COL23A1: variants seen among roughly 807,000 people sequenced by gnomAD.
COL23A1 encodes collagen alpha-1(XXIII) chain.
Under a neutral mutation model 99.3 loss-of-function variants are expected in COL23A1, and 97 were observed. The observed-to-expected ratio is 0.98, with a 90% CI of 0.83 to 1.16. The LOEUF is 1.16. Among genes scored for constraint, COL23A1 ranks in the 50% most tolerant of loss-of-function variants. The probability of loss-of-function intolerance (pLI) is 0.00; values close to 1 mark genes in which losing one functional copy is unlikely to be tolerated. For synonymous variants in COL23A1, 320 were observed against 308.2 expected (o/e 1.04, Z -0.40); for missense variants, 762 against 757.4 (o/e 1.01, Z -0.07).
chr5:178,421,212 G>A (rs1042690626), intron 2 of COL23A1, among the ~76,000 whole-genome samples: 4 of 152,148 alleles, frequency 2.6e-5, no homozygotes, highest in African/African-American at 9.7e-5. Flanking sequence ...GGAGATATAG[G>A]TTGACCTAAT....
chr5:178,286,512 G>C (rs1433355134), intron 5 of COL23A1, among the ~76,000 whole-genome samples: 1 of 151,722 alleles, frequency 6.6e-6, no homozygotes, highest in African/African-American at 2.4e-5. Context: ...CATGGCCCCA[G>C]GGACAGCAGC....
At chr5:178,506,662 TGAC>T (rs1468393042) in intron 2 of COL23A1, among the ~76,000 whole-genome samples, 2 of 152,252 alleles carry the variant, frequency 1.3e-5, no homozygotes, top group Non-Finnish European at 2.9e-5. Flanking sequence ...TTCTCACTAA[TGAC>T]GACAAGATTT....
intron 2 of COL23A1, among the ~76,000 whole-genome samples, chr5:178,517,589 T>G: frequency 1.6e-5 from 2 of 123,754 alleles, no homozygotes; most frequent in Admixed American, 1.0e-4. Flanking sequence ...TGAGATGGAG[T>G]CTCACTCTGT....
At chr5:178,329,363 G>A (rs762016114) in intron 2 of COL23A1, among the ~76,000 whole-genome samples, 10 of 152,114 alleles carry the variant, frequency 6.6e-5, no homozygotes, top group Non-Finnish European at 1.5e-4. Context: ...GCCAGATGAA[G>A]AGAGTGGGGC....
At chr5:178,509,978 C>T (rs1411178262) in intron 2 of COL23A1, among the ~76,000 whole-genome samples, 1 of 152,198 alleles carries the variant, frequency 6.6e-6, no homozygotes, top group Non-Finnish European at 1.5e-5. Flanking sequence ...CATTTCCGTC[C>T]TTAGTGCTCA....
chr5:178,358,413 GTGTATGTGTGTGTA>G (rs1761934106), intron 2 of COL23A1, among the ~76,000 whole-genome samples: 1 of 121,260 alleles, frequency 8.2e-6, no homozygotes, highest in Non-Finnish European at 1.9e-5. Flanking sequence ...ATGTGTGTAT[GTGTATGTGTGTGTA>G]TGTGTATGTG....
At chr5:178,368,100 G>A (rs1292399093) in intron 2 of COL23A1, among the ~76,000 whole-genome samples, 2 of 152,174 alleles carry the variant, frequency 1.3e-5, no homozygotes, top group Non-Finnish European at 2.9e-5. Flanking sequence ...TTGATGCGTC[G>A]AAAGGGCAGG....
At chr5:178,278,850 A>G (rs952709259) in intron 5 of COL23A1, among the ~76,000 whole-genome samples, 1 of 152,218 alleles carries the variant, frequency 6.6e-6, no homozygotes, top group Non-Finnish European at 1.5e-5. Context: ...CTGGGCTCAC[A>G]GCAGGCAGCA....
chr5:178,304,228 T>C (rs568783371), intron 3 of COL23A1, among the ~76,000 whole-genome samples: 6 of 152,140 alleles, frequency 3.9e-5, no homozygotes, highest in Non-Finnish European at 8.8e-5. Flanking sequence ...AGCCTTTCTC[T>C]GTGGGCGCGG....
intron 2 of COL23A1, 151 bp downstream of exon 2, chr5:178,560,531 A>G: frequency 1.6e-6 from 1 of 611,530 alleles, no homozygotes; most frequent in South Asian, 2.4e-5. Context: ...AGAGCCTGCC[A>G]GGGTCAATGT....
chr5:178,420,181 G>C (rs760822538), intron 2 of COL23A1, among the ~76,000 whole-genome samples: 1 of 152,126 alleles, frequency 6.6e-6, no homozygotes, highest in South Asian at 2.1e-4. Flanking sequence ...TCAGCCACAC[G>C]GCTTAGGGAA....
chr5:178,556,087 G>A (rs1159536973), intron 2 of COL23A1, among the ~76,000 whole-genome samples: 1 of 152,198 alleles, frequency 6.6e-6, no homozygotes, highest in Non-Finnish European at 1.5e-5. Context: ...CACAGGGTCG[G>A]AAATGACCCA....
intron 2 of COL23A1, among the ~76,000 whole-genome samples, chr5:178,482,720 C>T (rs930294489): frequency 5.3e-5 from 8 of 151,656 alleles, no homozygotes; most frequent in African/African-American, 1.2e-4. Context: ...GGTGAAACCC[C>T]GTTGCTACCG....
rs1374425068 is a variant in COL23A1 at position 178,533,772 on chromosome 5, C to CGTAA, written c.361+26909_361+26910insTTAC. ...TCAGCCTCCCAAAGTGCTGGGATTA[C>CGTAA]AGGCATGAGCCACCACACCCAGCCG... is the stretch of plus-strand genomic sequence containing the variant. On this transcript the variant is annotated intron_variant, in intron 2 of 28. Coordinates refer to ENST00000390654, the MANE Select transcript of COL23A1 (RefSeq NM_173465.4). 7.9e-5 allele frequency among the ~76,000 whole-genome samples: 12 copies of CGTAA among 152,324 alleles called. No homozygotes were observed. In the East Asian group the frequency reaches 1.9e-3, roughly 24 times the overall value.
intron 2 of COL23A1, among the ~76,000 whole-genome samples, chr5:178,458,853 C>T (rs779101012): frequency 1.7e-4 from 26 of 152,152 alleles, no homozygotes; most frequent in Middle Eastern, 3.4e-3. Flanking sequence ...ATATTCTTAC[C>T]CCCAAAACCA....
intron 2 of COL23A1, among the ~76,000 whole-genome samples, chr5:178,335,687 T>A (rs1034065248): frequency 7.9e-5 from 12 of 152,216 alleles, no homozygotes; most frequent in African/African-American, 2.9e-4. Flanking sequence ...CTGCCTTGCC[T>A]GCTTTCAGCA....
chr5:178,277,191 C>CCTCA (rs2127572286), intron 5 of COL23A1, among the ~76,000 whole-genome samples: 1 of 125,856 alleles, frequency 7.9e-6, no homozygotes, highest in East Asian at 2.1e-4. Context: ...CATAGTGAGA[C>CCTCA]CTCATCTCTA....
chr5:178,571,547 A>T (rs926462291), intron 1 of COL23A1, among the ~76,000 whole-genome samples: 7 of 152,104 alleles, frequency 4.6e-5, no homozygotes, highest in Non-Finnish European at 7.4e-5. Context: ...TATATATACA[A>T]ATGCAAAAAT....
At chr5:178,460,205 C>A (rs930572711) in intron 2 of COL23A1, among the ~76,000 whole-genome samples, 1 of 151,828 alleles carries the variant, frequency 6.6e-6, no homozygotes, top group African/African-American at 2.4e-5. Context: ...CCATGCAGAA[C>A]CCCCAGATTT....
Sources: gnomAD v4.1 joint callset for allele counts (sites outside exome capture counted in the v4.1 genomes callset) on GRCh38, gnomAD v4.1.1 for gene constraint, MANE v1.5 for transcripts, NCBI Gene and HGNC (gene_info 2026-07-23, HGNC 2026-07-21) for gene names.